The following NAALADL2 variants were observed in gnomAD, a reference collection of about 807,000 sequenced individuals.
NAALADL2 encodes the protein inactive N-acetylated-alpha-linked acidic dipeptidase-like protein 2.
In NAALADL2, 76 loss-of-function variants were observed where a neutral mutation model predicts 87.2. The ratio of observed to expected loss-of-function variants is 0.87; its 90% confidence interval spans 0.72 to 1.05. NAALADL2 has a LOEUF of 1.05. NAALADL2 is among the 50% of genes least tolerant of loss of function. The pLI, the probability that NAALADL2 is intolerant of heterozygous loss-of-function variation, is 0.00. For missense variants in NAALADL2, 1,089 were observed against 945.8 expected (o/e 1.15, Z -1.99); for synonymous variants, 354 against 331.0 (o/e 1.07, Z -0.75).
intron 3 of NAALADL2, among the ~76,000 whole-genome samples, chr3:174,846,718 T>C (rs1421053298): frequency 2.0e-5 from 3 of 152,150 alleles, no homozygotes; most frequent in Admixed American, 1.3e-4. Flanking sequence ...ACAGAGGAGT[T>C]AAATGAGTTA....
chr3:175,396,577 A>G (rs560257997), intron 5 of NAALADL2, among the ~76,000 whole-genome samples: 1 of 152,010 alleles, frequency 6.6e-6, no homozygotes, highest in African/African-American at 2.4e-5. Context: ...AGCAACTGTC[A>G]TCATGCACTA....
intron 2 of NAALADL2, among the ~76,000 whole-genome samples, chr3:174,574,489 A>C (rs1715307337): frequency 2.0e-5 from 3 of 152,064 alleles, no homozygotes; most frequent in Admixed American, 2.0e-4. Flanking sequence ...GATATGTTAT[A>C]TTTGATGTCA....
At chr3:175,462,018 T>A (rs1263445780) in intron 6 of NAALADL2, among the ~76,000 whole-genome samples, 1 of 152,112 alleles carries the variant, frequency 6.6e-6, no homozygotes, top group East Asian at 1.9e-4. Context: ...TATGATACTA[T>A]CATGATGGAT....
At chr3:175,161,338 G>T (rs1733177545) in intron 2 of NAALADL2, among the ~76,000 whole-genome samples, 1 of 152,056 alleles carries the variant, frequency 6.6e-6, no homozygotes, top group African/African-American at 2.4e-5. Flanking sequence ...AAAAAAGATT[G>T]AAAGATGGGT....
At chr3:174,672,909 G>A (rs1234051731) in intron 2 of NAALADL2, among the ~76,000 whole-genome samples, 1 of 50,654 alleles carries the variant, frequency 2.0e-5, no homozygotes, top group Non-Finnish European at 3.6e-5. Context: ...AAAGATTGTG[G>A]CTTGTACACA....
At chr3:175,306,054 A>C (rs975225977) in intron 4 of NAALADL2, among the ~76,000 whole-genome samples, 10 of 151,940 alleles carry the variant, frequency 6.6e-5, no homozygotes, top group Non-Finnish European at 1.3e-4. Context: ...ACAATAATTT[A>C]TCTATTTTCT....
chr3:175,006,771 G>C (rs1749082080), intron 1 of NAALADL2, among the ~76,000 whole-genome samples: 1 of 151,562 alleles, frequency 6.6e-6, no homozygotes, highest in South Asian at 2.1e-4. Flanking sequence ...ATATTGAAAA[G>C]TTCCTTTGTC....
chr3:174,587,384 T>A (rs971899366), intron 2 of NAALADL2, among the ~76,000 whole-genome samples: 49 of 152,330 alleles, frequency 3.2e-4, no homozygotes, highest in African/African-American at 1.2e-3. Flanking sequence ...CATTTAAGGT[T>A]AATATTGTTA....
intron 1 of NAALADL2, among the ~76,000 whole-genome samples, chr3:174,481,656 A>G (rs913236771): frequency 6.6e-6 from 1 of 152,124 alleles, no homozygotes; most frequent in African/African-American, 2.4e-5. Flanking sequence ...ATTCATGGCT[A>G]TGATTTATTA....
chr3:175,499,128 T>C lies in NAALADL2; in HGVS notation c.1653+27370T>C, dbSNP rs529434436. Among the ~76,000 whole-genome samples the C allele has an allele frequency of 1.5e-4, 23 of 152,220 alleles. No individual in the cohort carries two copies. In the South Asian group the frequency reaches 4.8e-3, roughly 32 times the overall value. The stretch of plus-strand genomic sequence containing the variant: ...AGATTAAAACTAGGTATTTGAGATA[T>C]GACTCATTATTGGAAAACCCATACC... On this transcript the variant is annotated intron_variant, in intron 9 of 13. Coordinates refer to ENST00000454872, the MANE Select transcript of NAALADL2 (RefSeq NM_207015.3).
At chr3:174,984,056 G>A (rs753335384) in intron 1 of NAALADL2, among the ~76,000 whole-genome samples, 26 of 152,000 alleles carry the variant, frequency 1.7e-4, no homozygotes, top group Non-Finnish European at 3.1e-4. Context: ...TAGATAAGAT[G>A]TCCCACAATG....
chr3:175,674,586 A>G (rs1168568510), intron 11 of NAALADL2, among the ~76,000 whole-genome samples: 1 of 152,014 alleles, frequency 6.6e-6, no homozygotes, highest in East Asian at 1.9e-4. Flanking sequence ...TAAAATTGAG[A>G]TGGATTCTCT....
At chr3:174,887,709 A>G (rs1730344146) in intron 1 of NAALADL2, among the ~76,000 whole-genome samples, 1 of 152,148 alleles carries the variant, frequency 6.6e-6, no homozygotes, top group African/African-American at 2.4e-5. Context: ...AAGCAGGAAG[A>G]TCATTTGAGC....
At chr3:175,654,430 A>G (rs927336122) in intron 11 of NAALADL2, among the ~76,000 whole-genome samples, 9 of 152,140 alleles carry the variant, frequency 5.9e-5, no homozygotes, top group African/African-American at 2.2e-4. Flanking sequence ...AAAACTATTA[A>G]ACGGTCCTTT....
intron 1 of NAALADL2, among the ~76,000 whole-genome samples, chr3:175,084,589 A>G (rs981918298): frequency 6.6e-6 from 1 of 152,200 alleles, no homozygotes; most frequent in Non-Finnish European, 1.5e-5. Context: ...CTTAAGAACC[A>G]TCACATTTAA....
intron 11 of NAALADL2, among the ~76,000 whole-genome samples, chr3:175,674,288 C>T (rs1180766843): frequency 1.4e-5 from 2 of 146,690 alleles, no homozygotes; most frequent in African/African-American, 5.2e-5. Flanking sequence ...GAGTTGGAGT[C>T]TATCTCTGTC....
At chr3:175,617,995 T>C (rs577277288) in intron 10 of NAALADL2, among the ~76,000 whole-genome samples, 7 of 152,290 alleles carry the variant, frequency 4.6e-5, no homozygotes, top group African/African-American at 1.7e-4. Flanking sequence ...GTTCTTCCAA[T>C]TGGATAAGGC....
At chr3:175,553,762 T>C (rs1472239679) in intron 9 of NAALADL2, among the ~76,000 whole-genome samples, 1 of 151,994 alleles carries the variant, frequency 6.6e-6, no homozygotes, top group African/African-American at 2.4e-5. Context: ...GTAGTTATTT[T>C]TAAATATATT....
chr3:175,075,566 AGCCAGTGGTG>A (rs1177196590), intron 1 of NAALADL2, among the ~76,000 whole-genome samples: 3 of 152,168 alleles, frequency 2.0e-5, no homozygotes, highest in Non-Finnish European at 4.4e-5. Flanking sequence ...CTTTCTTCCA[AGCCAGTGGTG>A]GCCATTCTGC....
Sources: gnomAD v4.1 joint callset for allele counts (sites outside exome capture counted in the v4.1 genomes callset) on GRCh38, gnomAD v4.1.1 for gene constraint, MANE v1.5 for transcripts, NCBI Gene and HGNC (gene_info 2026-07-23, HGNC 2026-07-21) for gene names.